ASIC2: variants seen among roughly 807,000 people sequenced by gnomAD.
The protein encoded by ASIC2 is acid-sensing ion channel 2.
In ASIC2, 25 loss-of-function variants were observed where a neutral mutation model predicts 57.3. The observed-to-expected ratio is 0.44, with a 90% CI of 0.32 to 0.61. The LOEUF (loss-of-function observed/expected upper bound fraction) is 0.61. Among genes scored for constraint, ASIC2 ranks in the 20% least tolerant of loss-of-function variants. The pLI, the probability that ASIC2 is intolerant of heterozygous loss-of-function variation, is 0.06. For synonymous variants in ASIC2, 319 were observed against 307.5 expected, an observed-to-expected ratio of 1.04 and a Z score of -0.39; for missense variants, 641 against 738.1, an observed-to-expected ratio of 0.87 and a Z score of 1.52.
intron 1 of ASIC2, among the ~76,000 whole-genome samples, chr17:33,495,276 G>A (rs1236372552): frequency 6.6e-6 from 1 of 152,098 alleles, no homozygotes; most frequent in East Asian, 1.9e-4. Context: ...GGATTCTGAT[G>A]GGTACCCAGG....
At chr17:33,060,843 G>A (rs1329531139) in intron 3 of ASIC2, among the ~76,000 whole-genome samples, 1 of 152,128 alleles carries the variant, frequency 6.6e-6, no homozygotes, top group Non-Finnish European at 1.5e-5. Context: ...TCATTGAGCA[G>A]TGGTTTGTAG....
chr17:33,207,199 G>A (rs1300535868), intron 1 of ASIC2, among the ~76,000 whole-genome samples: 3 of 152,238 alleles, frequency 2.0e-5, no homozygotes, highest in Admixed American at 2.0e-4. Context: ...TTAGTGCGAA[G>A]AGGACGGACG....
At chr17:33,841,841 G>C (rs1567731426) in intron 1 of ASIC2, among the ~76,000 whole-genome samples, 1 of 152,180 alleles carries the variant, frequency 6.6e-6, no homozygotes, top group East Asian at 1.9e-4. Flanking sequence ...AAGAGACCCA[G>C]AGCTAGCAAA....
chr17:33,510,670 A>T (rs904014707), intron 1 of ASIC2, among the ~76,000 whole-genome samples: 3 of 152,194 alleles, frequency 2.0e-5, no homozygotes, highest in Admixed American at 6.5e-5. Flanking sequence ...AAAAAAAGAA[A>T]CAAAGGGCTT....
At chr17:33,355,254 A>G (rs1003543147) in intron 1 of ASIC2, among the ~76,000 whole-genome samples, 1 of 152,134 alleles carries the variant, frequency 6.6e-6, no homozygotes, top group African/African-American at 2.4e-5. Flanking sequence ...AATCACTTGA[A>G]CCCAGGAAAG....
intron 1 of ASIC2, among the ~76,000 whole-genome samples, chr17:33,920,723 A>G (rs900055728): frequency 3.9e-5 from 6 of 152,202 alleles, no homozygotes; most frequent in African/African-American, 1.4e-4. Flanking sequence ...AGTTGAAATT[A>G]TATATTTTTT....
intron 1 of ASIC2, among the ~76,000 whole-genome samples, chr17:33,596,872 G>A (rs571560451): frequency 5.4e-4 from 82 of 152,282 alleles, no homozygotes; most frequent in African/African-American, 1.9e-3. Context: ...CATAGACTCC[G>A]TTTGACAGAT....
Position 33,520,706 on chromosome 17 carries a change from G to C in ASIC2, c.556-408639C>G, listed in dbSNP as rs140696763. On this transcript the variant is annotated intron_variant, in intron 1 of 9. Transcript: ENST00000359872. Reference sequence around the variant, plus strand: ...ATGAAGGGTGGAGGAGCAAGTGAGCGGCCCCAAAGCTTAAAACTTTATTTG... The same window carrying C: ...ATGAAGGGTGGAGGAGCAAGTGAGCCGCCCCAAAGCTTAAAACTTTATTTG... 4.8e-4 allele frequency among the ~76,000 whole-genome samples: 73 copies of C among 152,350 alleles called. No homozygotes were observed. In the Middle Eastern group the frequency reaches 0.02, roughly 43 times the overall value.
chr17:33,611,425 T>A lies in ASIC2; in HGVS notation c.556-499358A>T, dbSNP rs28633263. Among the ~76,000 whole-genome samples the A allele has an allele frequency of 7.7e-3, 1,167 of 152,344 alleles. 9 individuals carry two copies. Among genetic ancestry groups the A allele is most frequent in the African/African-American group, 0.024 (997 of 41,572 alleles). On this transcript the variant is annotated intron_variant, in intron 1 of 9. Transcript: ENST00000359872. ...TTGTGTTCTATGGTTCCAGTTAGCCTGCTGATAGGGCCCCATATCCGTCAG... is the reference window on the plus strand; with the variant it reads ...TTGTGTTCTATGGTTCCAGTTAGCCAGCTGATAGGGCCCCATATCCGTCAG...
intron 1 of ASIC2, among the ~76,000 whole-genome samples, chr17:33,889,616 C>A (rs1244652848): frequency 6.6e-6 from 1 of 152,162 alleles, no homozygotes; most frequent in Non-Finnish European, 1.5e-5. Context: ...ATAATACTAA[C>A]GTAAGTTGCA....
chr17:34,001,266 G>A (rs1239058932), intron 1 of ASIC2: 1 of 152,252 alleles, frequency 6.6e-6, no homozygotes, highest in Non-Finnish European at 1.5e-5. Flanking sequence ...CAGAAGTTCT[G>A]GGTGGGCCAT....
At position 33,744,871 on chromosome 17, in the gene ASIC2, A is replaced by G. The variant is rs187929177; in HGVS notation, c.555+411107T>C. The stretch of plus-strand genomic sequence containing the variant: ...GGCAGAAATTATAAAAAAAGAAACA[A>G]GTGGAAATTCTGGAGTTGAAAACCA... On this transcript the variant is annotated intron_variant, in intron 1 of 9. Transcript: ENST00000359872. 2.9e-3 allele frequency among the ~76,000 whole-genome samples: 444 copies of G among 152,334 alleles called. 3 individuals carry two copies. Among genetic ancestry groups the G allele is most frequent in the African/African-American group, 0.01 (436 of 41,580 alleles).
At chr17:33,152,851 T>C (rs141630158) in intron 1 of ASIC2, among the ~76,000 whole-genome samples, 46 of 152,316 alleles carry the variant, frequency 3.0e-4, no homozygotes, top group African/African-American at 1.0e-3. Context: ...TTTTTTAACT[T>C]TCCACTGGGA....
At chr17:33,915,049 T>G (rs1312183564) in intron 1 of ASIC2, among the ~76,000 whole-genome samples, 2 of 152,234 alleles carry the variant, frequency 1.3e-5, no homozygotes, top group African/African-American at 2.4e-5. Context: ...AGGCAACATA[T>G]GACTGGACAG....
chr17:33,554,774 C>T (rs370381810), intron 1 of ASIC2, among the ~76,000 whole-genome samples: 57 of 152,158 alleles, frequency 3.7e-4, no homozygotes, highest in African/African-American at 1.1e-3. Flanking sequence ...TGAGGCTGGC[C>T]GGGGACTGAG....
intron 1 of ASIC2, among the ~76,000 whole-genome samples, chr17:33,832,527 AT>A (rs1913147487): frequency 6.6e-6 from 1 of 152,170 alleles, no homozygotes; most frequent in African/African-American, 2.4e-5. Context: ...GAGACTACAA[AT>A]CAAAGGTTGA....
At chr17:34,099,063 C>T (rs756241801) in intron 1 of ASIC2, among the ~76,000 whole-genome samples, 7 of 139,840 alleles carry the variant, frequency 5.0e-5, no homozygotes, top group South Asian at 4.6e-4. Flanking sequence ...GGAAAGAGGG[C>T]GATGCTCTAG....
rs369981146 is a variant in ASIC2 at position 34,047,002 on chromosome 17, T to C, written c.555+108976A>G. Reference sequence around the variant, plus strand: ...AACTTATTTATGCTATCTCATTTAGTCCTTAAAATGAACCTTTGAGGACAT... The same window carrying C: ...AACTTATTTATGCTATCTCATTTAGCCCTTAAAATGAACCTTTGAGGACAT... On this transcript the variant is annotated intron_variant, in intron 1 of 9. Transcript: ENST00000359872. Among the ~76,000 whole-genome samples the C allele has an allele frequency of 3.3e-5, 5 of 152,214 alleles. No homozygotes were observed. The South Asian group carries it at 1.0e-3, about 32-fold the overall frequency.
chr17:33,218,649 A>C (rs1386229310), intron 1 of ASIC2, among the ~76,000 whole-genome samples: 1 of 152,194 alleles, frequency 6.6e-6, no homozygotes, highest in Non-Finnish European at 1.5e-5. Flanking sequence ...TGGGAGCAGG[A>C]GCATGACTCT....
Sources: gnomAD v4.1 joint callset for allele counts (sites outside exome capture counted in the v4.1 genomes callset) on GRCh38, gnomAD v4.1.1 for gene constraint, MANE v1.5 for transcripts, NCBI Gene and HGNC (gene_info 2026-07-23, HGNC 2026-07-21) for gene names.